KCNN1: variants seen among roughly 807,000 people sequenced by gnomAD.
The protein encoded by KCNN1 is potassium calcium-activated channel subfamily N member 1.
Under a neutral mutation model 44.7 loss-of-function variants are expected in KCNN1, and 20 were observed. The observed-to-expected ratio is 0.45, with a 90% confidence interval of 0.32 to 0.65. The LOEUF is 0.65. Ranked by LOEUF, KCNN1 falls within the 30% of genes least tolerant of loss-of-function variation. KCNN1 has a pLI of 0.05. For missense variants in KCNN1, 632 were observed against 785.3 expected (o/e 0.80, Z 2.33); for synonymous variants, 324 against 341.7 (o/e 0.95, Z 0.57).
Position 17,996,928 on chromosome 19 carries a change from T to G in KCNN1, c.1378-1224T>G, listed in dbSNP as rs1324221771. Among the ~76,000 whole-genome samples, 4 of 152,200 alleles carry G rather than the reference T, an allele frequency of 2.6e-5. No homozygotes were observed. The East Asian group carries it at 7.7e-4, about 29-fold the overall frequency. On this transcript the variant is annotated intron_variant, in intron 9 of 9. Transcript: ENST00000684775. Reference sequence around the variant, plus strand: ...TCCTGTCCTGTCTTCCTTCCACCACTGCCTCCATCCTCCCACGGAGGCCGC... The same window carrying G: ...TCCTGTCCTGTCTTCCTTCCACCACGGCCTCCATCCTCCCACGGAGGCCGC...
At chr19:17,981,407 C>T (rs987416170) in intron 3 of KCNN1, among the ~76,000 whole-genome samples, 29 of 151,894 alleles carry the variant, frequency 1.9e-4, no homozygotes, top group African/African-American at 7.0e-4. Context: ...CAAAAATTAG[C>T]CAGGTGTGGT....
At chr19:17,975,223 C>A in intron 3 of KCNN1, 36 bp downstream of exon 3, 1 of 1,511,266 alleles carries the variant, frequency 6.6e-7, no homozygotes, top group South Asian at 1.1e-5. Flanking sequence ...AGCTCCTCTC[C>A]TCAAACCCCA....
chr19:17,974,407 C>T lies in KCNN1; in HGVS notation c.402+117C>T, dbSNP rs1568451296. The T allele has an allele frequency of 2.5e-6, 3 of 1,210,922 alleles. No individual in the cohort carries two copies. Among genetic ancestry groups the T allele is most frequent in the South Asian group, 3.3e-5 (2 of 60,772 alleles). 75.0% of individuals were successfully genotyped at this position (1,210,922 alleles called of 1,614,324 possible). A position where few individuals can be genotyped will look rare whatever the true frequency, so the allele number is the denominator to read the frequency against. ...GGGAGATAGGGAGTGTTAGGGGGCTCCCGGAGGTGAGGGCTCCCTGGCCTT... is the reference window on the plus strand; with the variant it reads ...GGGAGATAGGGAGTGTTAGGGGGCTTCCGGAGGTGAGGGCTCCCTGGCCTT... On this transcript the variant is annotated intron_variant, in intron 2 of 9. Transcript: ENST00000684775. The surrounding 1 kb of genome is among the most constrained non-coding windows in gnomAD (Gnocchi z 7.3).
In KCNN1 at chr19:17,993,572, G is replaced by A. The variant is rs1382305717; in HGVS notation, c.1377+13G>A. On this transcript the variant is annotated intron_variant, in intron 9 of 9. Transcript: ENST00000684775. This position sits in a 1 kb window ranked among gnomAD's most constrained non-coding sequence, Gnocchi z 4.5. ...CGACCTAGCCAAGGTGAGTGGGTTG[G>A]GGCAGGGTGGGCCAGACAGGGCAGG... The A allele has an allele frequency of 1.9e-6, 3 of 1,612,822 alleles. No homozygotes were observed. The highest frequency in any genetic ancestry group is 1.7e-6 in the Non-Finnish European group (2 of 1,178,980).
intron 1 of KCNN1, among the ~76,000 whole-genome samples, chr19:17,971,510 T>G (rs559462759): frequency 6.6e-6 from 1 of 152,176 alleles, no homozygotes; most frequent in African/African-American, 2.4e-5. Context: ...TTGCCCAGGC[T>G]GGAGTGCAAT....
At chr19:17,972,946 G>A (rs2032072136) in intron 1 of KCNN1, among the ~76,000 whole-genome samples, 1 of 152,148 alleles carries the variant, frequency 6.6e-6, no homozygotes, top group Non-Finnish European at 1.5e-5. Flanking sequence ...CTGGTAGGGG[G>A]GCATTCCAGG....
chr19:17,962,081 A>C (rs1173795169), intron 2 of KCNN1, among the ~76,000 whole-genome samples: 1 of 152,098 alleles, frequency 6.6e-6, no homozygotes, highest in African/African-American at 2.4e-5. Flanking sequence ...GGTTGGACCC[A>C]CTGGATGTGG....
At chr19:17,976,391 G>C (rs2032204603) in intron 3 of KCNN1, among the ~76,000 whole-genome samples, 1 of 151,976 alleles carries the variant, frequency 6.6e-6, no homozygotes, top group Non-Finnish European at 1.5e-5. Flanking sequence ...ATAAAATGTA[G>C]TGCACCTGTA....
intron 2 of KCNN1, among the ~76,000 whole-genome samples, chr19:17,959,155 G>A (rs915862385): frequency 6.6e-6 from 1 of 151,534 alleles, no homozygotes. Flanking sequence ...CTCCCGAGTA[G>A]CTGGGATTAT....
intron 4 of KCNN1, 120 bp from the exon 5 acceptor site, chr19:17,985,192 C>T (rs2032555109): frequency 3.1e-6 from 3 of 962,224 alleles, no homozygotes; most frequent in Non-Finnish European, 4.4e-6. Flanking sequence ...CAGGACATAG[C>T]CCCAACGCAG....
chr19:17,966,410 A>G (rs917018963), upstream of KCNN1, among the ~76,000 whole-genome samples: 2 of 152,178 alleles, frequency 1.3e-5, no homozygotes, highest in African/African-American at 4.8e-5. Flanking sequence ...CTTTGAATGA[A>G]TGAGTCGGCC....
At chr19:17,989,034 A>G (rs2032697907) in intron 6 of KCNN1, among the ~76,000 whole-genome samples, 1 of 152,182 alleles carries the variant, frequency 6.6e-6, no homozygotes, top group Non-Finnish European at 1.5e-5. Flanking sequence ...GCATTCAGTA[A>G]GAGGCTTGAG....
chr19:17,962,028 A>G (rs1006803339), intron 2 of KCNN1, among the ~76,000 whole-genome samples: 3 of 152,170 alleles, frequency 2.0e-5, no homozygotes, highest in African/African-American at 7.2e-5. Context: ...TGGAGCTGCC[A>G]CAGTGGGGAG....
chr19:17,968,174 G>A (rs1439224622), intron 1 of KCNN1, among the ~76,000 whole-genome samples: 1 of 152,010 alleles, frequency 6.6e-6, no homozygotes, highest in South Asian at 2.1e-4. Context: ...CGCCCGCTGG[G>A]GACCCACAAC....
upstream of KCNN1, among the ~76,000 whole-genome samples, chr19:17,965,002 G>A (rs1225077252): frequency 6.6e-6 from 1 of 152,168 alleles, no homozygotes; most frequent in Non-Finnish European, 1.5e-5. Context: ...CTGGCCAGGC[G>A]CGGTGGCTCA....
upstream of KCNN1, among the ~76,000 whole-genome samples, chr19:17,966,043 TCC>T (rs2031799822): frequency 6.9e-6 from 1 of 144,532 alleles, no homozygotes; most frequent in East Asian, 2.0e-4. Flanking sequence ...CTTCCTTCCT[TCC>T]TTCCTTCCTT....
chr19:17,993,666 C>T lies in KCNN1; in HGVS notation c.1377+107C>T, dbSNP rs368372659. On this transcript the variant is annotated intron_variant, in intron 9 of 9. Coordinates refer to ENST00000684775, the MANE Select transcript of KCNN1 (RefSeq NM_001386974.1). The surrounding 1 kb of genome is among the most constrained non-coding windows in gnomAD (Gnocchi z 4.5). ...GGAGGGCACAAGGACCCGCTGTGGG[C>T]TGAGTGCAGTGGCGGGCGGATCGCT... The T allele has an allele frequency of 1.1e-6, 1 of 881,620 alleles. No homozygotes were observed. The highest frequency in any genetic ancestry group is 1.6e-5 in the African/African-American group (1 of 60,996). The allele number at this position is 881,620 out of a possible 1,614,324, so 54.6% of individuals were successfully genotyped here.
At position 17,973,849 on chromosome 19, in the gene KCNN1, G is replaced by A. The variant is rs1316844628; in HGVS notation, c.-40G>A. On this transcript the variant is annotated 5_prime_UTR_variant, in exon 2 of 10. Coordinates refer to ENST00000684775, the MANE Select transcript of KCNN1 (RefSeq NM_001386974.1). ...AGCCGCTGAGCCATGCCGGGCCCCG[G>A]GCGGCCTGCAGCGAGCCCAACCCCT... is the stretch of plus-strand genomic sequence containing the variant. 1.3e-6 allele frequency: 2 copies of A among 1,541,254 alleles called. No individual in the cohort carries two copies. Among genetic ancestry groups the A allele is most frequent in the Non-Finnish European group, 1.7e-6 (2 of 1,146,016 alleles).
intron 4 of KCNN1, among the ~76,000 whole-genome samples, chr19:17,984,666 G>A (rs1221057203): frequency 1.3e-5 from 2 of 152,098 alleles, no homozygotes; most frequent in Non-Finnish European, 1.5e-5. Context: ...CCCTCTGGCC[G>A]AAGTCCCAAG....
Sources: gnomAD v4.1 joint callset for allele counts (sites outside exome capture counted in the v4.1 genomes callset) on GRCh38, gnomAD v4.1.1 for gene constraint, Gnocchi (gnomAD v3.1) non-coding constraint, MANE v1.5 for transcripts, NCBI Gene and HGNC (gene_info 2026-07-23, HGNC 2026-07-21) for gene names.